ASNS: variants seen among roughly 807,000 people sequenced by gnomAD.
The protein encoded by ASNS is asparagine synthetase (glutamine-hydrolyzing).
ASNS carries 37 observed loss-of-function variants against 62.6 expected under a neutral mutation model. The observed-to-expected ratio is 0.59, with a 90% CI of 0.45 to 0.78. The LOEUF is 0.78. Among genes scored for constraint, ASNS ranks in the 30% least tolerant of loss-of-function variants. The probability of loss-of-function intolerance (pLI) is 0.00; values close to 1 mark genes in which losing one functional copy is unlikely to be tolerated. For missense variants in ASNS, 520 were observed against 682.4 expected (o/e 0.76, Z 2.65); for synonymous variants, 207 against 237.9 (o/e 0.87, Z 1.19).
At chr7:97,872,144 AGCTGTCAGGT>A (rs1304124575) in intron 1 of ASNS, 197 bp downstream of exon 1, 5 of 152,260 alleles carry the variant, frequency 3.3e-5, no homozygotes, top group African/African-American at 1.2e-4. Flanking sequence ...TCCTTCCGCT[AGCTGTCAGGT>A]GCGTAACAAT....
chr7:97,858,165 A>G, intron 7 of ASNS, 113 bp downstream of exon 7: 1 of 1,391,242 alleles, frequency 7.2e-7, no homozygotes, highest in Non-Finnish European at 9.8e-7. Context: ...AATTTAAAAC[A>G]ATTGACCCAG....
chr7:97,888,408 A>C, the ASNS span, among the ~76,000 whole-genome samples: 1 of 151,428 alleles, frequency 6.6e-6, no homozygotes, highest in Admixed American at 6.6e-5. Context: ...TTGGCCAACT[A>C]TAGACCAAGG....
At chr7:97,893,220 T>C in the ASNS span, among the ~76,000 whole-genome samples, 1 of 152,250 alleles carries the variant, frequency 6.6e-6, no homozygotes, top group Non-Finnish European at 1.5e-5. Flanking sequence ...AAGAATAGCA[T>C]GGGAAATACC....
the ASNS span, among the ~76,000 whole-genome samples, chr7:97,883,831 CA>C: frequency 6.6e-6 from 1 of 151,578 alleles, no homozygotes; most frequent in African/African-American, 2.4e-5. Flanking sequence ...ACTAAAAATA[CA>C]AAAAAATTAG....
At chr7:97,906,094 C>G in the ASNS span, among the ~76,000 whole-genome samples, 1 of 152,168 alleles carries the variant, frequency 6.6e-6, no homozygotes, top group Non-Finnish European at 1.5e-5. Context: ...TCTCCTTCTA[C>G]CAAACTTTGT....
At chr7:97,908,559 G>T in the ASNS span, 1 of 151,840 alleles carries the variant, frequency 6.6e-6, no homozygotes, top group African/African-American at 2.4e-5. Context: ...CACCACTACT[G>T]CCTGGCTAAT....
the ASNS span, among the ~76,000 whole-genome samples, chr7:97,885,592 C>T: frequency 2.6e-3 from 345 of 134,170 alleles, no homozygotes; most frequent in South Asian, 6.5e-3. Context: ...CAACTTAAGG[C>T]TCATAACTCC....
In ASNS at chr7:97,864,328, A is replaced by C; in HGVS notation, c.418T>G (p.Tyr140Asp). 2 of 1,613,804 alleles carry C rather than the reference A, an allele frequency of 1.2e-6. No individual in the cohort carries two copies. The highest frequency in any genetic ancestry group is 1.7e-6 in the Non-Finnish European group (2 of 1,179,790). Reference sequence around the variant, plus strand: ...GCTTTAAACAAAGGTCTGACTCCATATGTATCTCTACCCAGGAACACTTTC... The same window carrying C: ...GCTTTAAACAAAGGTCTGACTCCATCTGTATCTCTACCCAGGAACACTTTC... The part of the protein sequence containing the change: ...NKKVFLGRDT[Y>D]GVRPLFKAMT... Residue 140 changes from tyrosine (Y) to aspartate (D), a missense_variant, in exon 4 of 13, where the codon TAT (tyrosine) becomes GAT (aspartate). Transcript: ENST00000394308.
intron 4 of ASNS, among the ~76,000 whole-genome samples, 160 bp from the exon 5 acceptor site, chr7:97,859,558 C>T (rs1791621537): frequency 6.6e-6 from 1 of 152,152 alleles, no homozygotes; most frequent in Non-Finnish European, 1.5e-5. Flanking sequence ...TTTTCCTAAG[C>T]CCTACCATCT....
chr7:97,888,102 T>C, the ASNS span, among the ~76,000 whole-genome samples: 3 of 152,200 alleles, frequency 2.0e-5, no homozygotes, highest in Non-Finnish European at 4.4e-5. Context: ...GCCTCCTATG[T>C]AGCTAAGACT....
chr7:97,865,850 T>C (rs1010153879), intron 3 of ASNS, among the ~76,000 whole-genome samples: 3 of 152,196 alleles, frequency 2.0e-5, no homozygotes, highest in African/African-American at 7.2e-5. Context: ...TGGGCGTGCT[T>C]GCATGGGGAA....
At chr7:97,867,074 ACCAAACT>A (rs145371386) in intron 3 of ASNS, among the ~76,000 whole-genome samples, 17,306 of 133,006 alleles carry the variant, frequency 0.13, 2,000 homozygotes, top group South Asian at 0.22. Context: ...CTCTCCTAAA[ACCAAACT>A]CCAATGCTGC....
chr7:97,860,038 T>C (rs1267812192), intron 4 of ASNS, among the ~76,000 whole-genome samples: 1 of 152,224 alleles, frequency 6.6e-6, no homozygotes, highest in African/African-American at 2.4e-5. Context: ...TGTTTTATTG[T>C]AGATCGTAAT....
chr7:97,868,734 A>T (rs1445982004), intron 3 of ASNS, among the ~76,000 whole-genome samples, 174 bp downstream of exon 3: 1 of 152,206 alleles, frequency 6.6e-6, no homozygotes, highest in Non-Finnish European at 1.5e-5. Flanking sequence ...TGACCAAGTC[A>T]TTTCACTCAC....
At chr7:97,898,825 G>T in the ASNS span, 2 of 761,230 alleles carry the variant, frequency 2.6e-6, no homozygotes, top group African/African-American at 1.7e-5. Context: ...TGCCATAGAA[G>T]TTAGTCAGGC....
At chr7:97,911,237 T>C in the ASNS span, among the ~76,000 whole-genome samples, 1 of 152,068 alleles carries the variant, frequency 6.6e-6, no homozygotes, top group Non-Finnish European at 1.5e-5. Flanking sequence ...GGAGTAAATA[T>C]TGCAAATGTT....
At chr7:97,864,612 T>C in intron 3 of ASNS, 116 bp from the exon 4 acceptor site, 1 of 730,396 alleles carries the variant, frequency 1.4e-6, no homozygotes. Flanking sequence ...TGCACTTTGG[T>C]GATTTAGGAG....
chr7:97,891,241 T>C, the ASNS span, among the ~76,000 whole-genome samples: 1 of 152,198 alleles, frequency 6.6e-6, no homozygotes, highest in Non-Finnish European at 1.5e-5. Context: ...CCATCACACC[T>C]TGTGAGACGT....
At chr7:97,900,254 C>T in the ASNS span, among the ~76,000 whole-genome samples, 1 of 141,444 alleles carries the variant, frequency 7.1e-6, no homozygotes, top group South Asian at 2.4e-4. Context: ...CCCAGCTACT[C>T]GGGAGGCTGA....
Sources: gnomAD v4.1 joint callset for allele counts (sites outside exome capture counted in the v4.1 genomes callset) on GRCh38, gnomAD v4.1.1 for gene constraint, MANE v1.5 for transcripts, NCBI Gene and HGNC (gene_info 2026-07-23, HGNC 2026-07-21) for gene names.